Variants in HMG20A observed in about 807,000 individuals in gnomAD.
HMG20A encodes high mobility group protein 20A.
In HMG20A, 17 loss-of-function variants were observed where a neutral mutation model predicts 43.9. That is an observed-to-expected ratio of 0.39 (90% CI 0.27 to 0.58). HMG20A has a LOEUF of 0.58. Among genes scored for constraint, HMG20A ranks in the 20% least tolerant of loss-of-function variants. The pLI is 0.59. For missense variants in HMG20A, 341 were observed against 438.2 expected, an observed-to-expected ratio of 0.78 and a Z score of 1.98; for synonymous variants, 132 against 147.5, an observed-to-expected ratio of 0.89 and a Z score of 0.76.
chr15:77,437,132 C>A (rs2073558156), intron 1 of HMG20A, among the ~76,000 whole-genome samples: 1 of 152,206 alleles, frequency 6.6e-6, no homozygotes, highest in Non-Finnish European at 1.5e-5. Flanking sequence ...GGTCCCCTGT[C>A]TAAATGAAGT....
downstream of HMG20A, among the ~76,000 whole-genome samples, chr15:77,486,154 GTAT>G (rs1410308840): frequency 6.6e-6 from 1 of 151,748 alleles, no homozygotes; most frequent in Non-Finnish European, 1.5e-5. Context: ...TATAGCAGTA[GTAT>G]TCTGAAGACA....
Position 77,467,318 on chromosome 15 carries a change from C to G in HMG20A, c.450+11C>G, listed in dbSNP as rs1365082702. 4.4e-6 allele frequency: 7 copies of G among 1,584,446 alleles called. No homozygotes were observed. Among genetic ancestry groups the G allele is most frequent in the Admixed American group, 1.7e-5 (1 of 59,914 alleles). The stretch of plus-strand genomic sequence containing the variant: ...CCTGAGGAAAAACAGGTAATTGTTC[C>G]TATTCCTGACTCTTTGTTTGGTTTT... On this transcript the variant is annotated intron_variant, in intron 4 of 9. Transcript: ENST00000336216.
At chr15:77,444,657 T>C (rs142516712) in intron 1 of HMG20A, among the ~76,000 whole-genome samples, 235 of 152,338 alleles carry the variant, frequency 1.5e-3, no homozygotes, top group Non-Finnish European at 2.6e-3. Context: ...TTGAGTAGGT[T>C]ATCAAAGGAG....
Position 77,484,166 on chromosome 15 carries a change from C to T in HMG20A, c.*1203C>T, listed in dbSNP as rs144469239. The T allele has an allele frequency of 6.6e-6, 1 of 152,236 alleles. No individual in the cohort carries two copies. Among genetic ancestry groups the T allele is most frequent in the African/African-American group, 2.4e-5 (1 of 41,496 alleles). The allele number at this position is 152,236 out of a possible 1,614,324, so 9.4% of individuals were successfully genotyped here. A position where few individuals can be genotyped will look rare whatever the true frequency, so the allele number is the denominator to read the frequency against. ...TACAGATGAGGTCTTCCTGTGTTGC[C>T]CAGGCTGGAGTGCGGTGGCTATTCA... On this transcript the variant is annotated 3_prime_UTR_variant, in exon 10 of 10. Coordinates refer to ENST00000336216, the MANE Select transcript of HMG20A (RefSeq NM_001304504.2).
In HMG20A at chr15:77,484,654, C is replaced by T. The variant is rs989558566; in HGVS notation, c.*1691C>T. 1.3e-5 allele frequency: 2 copies of T among 152,246 alleles called. No homozygotes were observed. Among genetic ancestry groups the T allele is most frequent in the African/African-American group, 2.4e-5 (1 of 41,462 alleles). 9.4% of individuals were successfully genotyped at this position (152,246 alleles called of 1,614,324 possible). A position where few individuals can be genotyped will look rare whatever the true frequency, so the allele number is the denominator to read the frequency against. On this transcript the variant is annotated 3_prime_UTR_variant, in exon 10 of 10. Transcript: ENST00000336216. ...TCAAATATCCATGCGCTGAAACCCA[C>T]ATACCATCACTTGGCAATTTTTTAG...
the HMG20A span, among the ~76,000 whole-genome samples, chr15:77,497,521 A>G: frequency 6.6e-6 from 1 of 152,252 alleles, no homozygotes. Context: ...CACAGCCAAG[A>G]GACTGGCTCA....
intron 1 of HMG20A, among the ~76,000 whole-genome samples, chr15:77,453,686 G>C (rs1216164183): frequency 6.6e-6 from 1 of 152,112 alleles, no homozygotes; most frequent in Non-Finnish European, 1.5e-5. Context: ...TCTATCAACT[G>C]ATATGTGGAT....
chr15:77,443,388 T>TATTATTATG, intron 1 of HMG20A, among the ~76,000 whole-genome samples: 1 of 139,666 alleles, frequency 7.2e-6, no homozygotes, highest in South Asian at 2.1e-4. Context: ...TGATTATTAT[T>TATTATTATG]ATTATTATTA....
At chr15:77,446,015 G>A (rs912370005) in intron 1 of HMG20A, among the ~76,000 whole-genome samples, 1 of 152,138 alleles carries the variant, frequency 6.6e-6, no homozygotes, top group Non-Finnish European at 1.5e-5. Context: ...GTTGCTTTTC[G>A]CAGACTCCAG....
At chr15:77,422,436 T>C (rs1242506411) in intron 1 of HMG20A, among the ~76,000 whole-genome samples, 1 of 152,096 alleles carries the variant, frequency 6.6e-6, no homozygotes, top group Non-Finnish European at 1.5e-5. Flanking sequence ...GCCAGCATGG[T>C]GAAACCCCGT....
chr15:77,443,373 GATGATGATTATTATT>G (rs1394443961), intron 1 of HMG20A, among the ~76,000 whole-genome samples: 1 of 122,278 alleles, frequency 8.2e-6, no homozygotes, highest in African/African-American at 2.8e-5. Flanking sequence ...TGATGATGAT[GATGATGATTATTATT>G]ATTATTATTA....
At chr15:77,438,815 G>A (rs915537777) in intron 1 of HMG20A, among the ~76,000 whole-genome samples, 1 of 151,190 alleles carries the variant, frequency 6.6e-6, no homozygotes, top group East Asian at 1.9e-4. Flanking sequence ...TTTTTGAGAC[G>A]GAGTCTCCTC....
chr15:77,480,300 A>T (rs2072894423), intron 9 of HMG20A, among the ~76,000 whole-genome samples: 2 of 151,654 alleles, frequency 1.3e-5, no homozygotes, highest in African/African-American at 4.8e-5. Flanking sequence ...CTGTCTCAAA[A>T]ATTTTTTTAA....
chr15:77,518,820 G>A, the HMG20A span, among the ~76,000 whole-genome samples: 6 of 152,214 alleles, frequency 3.9e-5, no homozygotes, highest in African/African-American at 1.4e-4. Context: ...GCTGTCCAAA[G>A]GGATTTGAGA....
At chr15:77,462,473 G>A (rs928912539) in intron 2 of HMG20A, among the ~76,000 whole-genome samples, 2 of 151,958 alleles carry the variant, frequency 1.3e-5, no homozygotes, top group African/African-American at 2.4e-5. Context: ...AATGCTTCTC[G>A]AGTCTATCTT....
chr15:77,422,888 A>G (rs1567386423), intron 1 of HMG20A, among the ~76,000 whole-genome samples: 2 of 152,218 alleles, frequency 1.3e-5, no homozygotes, highest in Non-Finnish European at 2.9e-5. Flanking sequence ...TTAATTGATT[A>G]AAGAAGAAGT....
chr15:77,507,603 G>T, the HMG20A span, among the ~76,000 whole-genome samples: 2 of 152,244 alleles, frequency 1.3e-5, no homozygotes, highest in Non-Finnish European at 2.9e-5. Flanking sequence ...CAAGCCACGC[G>T]AAGGGCTGCG....
the HMG20A span, among the ~76,000 whole-genome samples, chr15:77,498,877 G>A: frequency 3.9e-5 from 6 of 152,140 alleles, no homozygotes; most frequent in Admixed American, 1.3e-4. Context: ...ATTTGAATAG[G>A]ACTATAAAAT....
At chr15:77,470,589 C>G (rs537836792) in intron 4 of HMG20A, among the ~76,000 whole-genome samples, 3 of 152,194 alleles carry the variant, frequency 2.0e-5, no homozygotes, top group South Asian at 4.1e-4. Context: ...ATATAGAGTT[C>G]TATCTATAGA....
Sources: allele counts gnomAD v4.1 joint callset (sites outside exome capture counted in the v4.1 genomes callset), GRCh38; gene constraint gnomAD v4.1.1; transcripts MANE v1.5; gene names NCBI Gene and HGNC (gene_info 2026-07-23, HGNC 2026-07-21).